TLL2: variants seen among roughly 807,000 people sequenced by gnomAD.
The protein encoded by TLL2 is tolloid like 2, also known as tolloid-like protein 2.
A neutral mutation model predicts 123.0 loss-of-function variants in TLL2; 106 were observed. The ratio of observed to expected loss-of-function variants is 0.86; its 90% CI spans 0.74 to 1.01. TLL2 has a LOEUF of 1.01. Ranked by LOEUF, TLL2 falls within the 50% of genes least tolerant of loss-of-function variation. TLL2 has a pLI of 0.00. For missense variants in TLL2, 1,332 were observed against 1,336.7 expected (o/e 1.00, Z 0.06); for synonymous variants, 494 against 516.8 (o/e 0.96, Z 0.60).
At chr10:96,486,208 G>A (rs1312066863) in intron 1 of TLL2, among the ~76,000 whole-genome samples, 3 of 152,150 alleles carry the variant, frequency 2.0e-5, no homozygotes, top group Admixed American at 6.5e-5. Flanking sequence ...TTGACTATAC[G>A]TGGAATAAAT....
intron 1 of TLL2, among the ~76,000 whole-genome samples, chr10:96,484,515 G>T (rs1417162766): frequency 6.6e-6 from 1 of 151,242 alleles, no homozygotes. Flanking sequence ...AGCCACAAAT[G>T]ATTCATCTAT....
rs1305183178 is a variant in TLL2 at position 96,505,748 on chromosome 10, C to T, written c.175+7763G>A. ...TTCATACAATTCAGTTCACTCCACA[C>T]ACTTGTTGGGGCATAACAAGTTCTT... On this transcript the variant is annotated intron_variant, in intron 1 of 20. Coordinates refer to ENST00000357947, the MANE Select transcript of TLL2 (RefSeq NM_012465.4). Among the ~76,000 whole-genome samples the T allele has an allele frequency of 2.6e-5, 4 of 152,344 alleles. No homozygotes were observed. The East Asian group carries it at 7.7e-4, about 29-fold the overall frequency.
chr10:96,440,486 T>C (rs1362774872), intron 3 of TLL2, among the ~76,000 whole-genome samples: 2 of 152,216 alleles, frequency 1.3e-5, no homozygotes, highest in South Asian at 2.1e-4. Context: ...CAGGCAGCAA[T>C]GTAGCAAGTG....
intron 8 of TLL2, among the ~76,000 whole-genome samples, chr10:96,411,116 A>G (rs1050304560): frequency 5.9e-5 from 9 of 151,852 alleles, no homozygotes; most frequent in Non-Finnish European, 1.0e-4. Context: ...AGTGGCGTGC[A>G]CCTGTAATCC....
At chr10:96,480,574 A>G (rs1487604403) in intron 1 of TLL2, 115 bp from the exon 2 acceptor site, 1 of 780,308 alleles carries the variant, frequency 1.3e-6, no homozygotes, top group Admixed American at 2.1e-5. Context: ...AAGACAGCCC[A>G]TCCAGTAAAA....
Position 96,376,720 on chromosome 10 carries a change from G to A in TLL2, c.2420C>T (p.Ser807Phe). Residue 807 changes from serine to phenylalanine, a missense_variant, in exon 18 of 21, where the codon TCT becomes TTT. By Grantham distance (155) the Ser-to-Phe change is radical. Coordinates refer to ENST00000357947, the MANE Select transcript of TLL2 (RefSeq NM_012465.4). ...TTTCACTCTGTGGCCTGCAGTCGAA[G>A]AGATGTTCCAGGTACACTCCCTCCG... The part of the protein sequence containing the change: ...PSRRECTWNI[S>F]STAGHRVKLT... 1 of 1,610,454 alleles carries A rather than the reference G, an allele frequency of 6.2e-7. No individual in the cohort carries two copies. The highest frequency in any genetic ancestry group is 8.5e-7 in the Non-Finnish European group (1 of 1,178,536).
chr10:96,508,246 G>GT, intron 1 of TLL2, among the ~76,000 whole-genome samples: 2 of 152,304 alleles, frequency 1.3e-5, no homozygotes, highest in East Asian at 3.9e-4. Flanking sequence ...ACTTTTAGGA[G>GT]TCCCTGGCAC....
At chr10:96,447,520 G>A (rs1846909847) in intron 2 of TLL2, among the ~76,000 whole-genome samples, 1 of 152,108 alleles carries the variant, frequency 6.6e-6, no homozygotes, top group Admixed American at 6.6e-5. Context: ...CATAGGCAGA[G>A]CTCGCAGGTA....
intron 2 of TLL2, among the ~76,000 whole-genome samples, chr10:96,475,764 C>T (rs1009533912): frequency 6.6e-6 from 1 of 152,190 alleles, no homozygotes; most frequent in Non-Finnish European, 1.5e-5. Context: ...GGCTCTGTGT[C>T]CCCACCCAAA....
chr10:96,369,987 A>C (rs922058803), intron 20 of TLL2, 78 bp downstream of exon 20: 2 of 1,478,002 alleles, frequency 1.4e-6, no homozygotes, highest in Non-Finnish European at 1.8e-6. Context: ...CGGGACTGAA[A>C]GCCGGGCGTG....
intron 1 of TLL2, among the ~76,000 whole-genome samples, chr10:96,483,773 T>C (rs1031054186): frequency 3.3e-5 from 5 of 152,188 alleles, no homozygotes; most frequent in Non-Finnish European, 7.4e-5. Flanking sequence ...TTCATCATTT[T>C]TGCTGCTTCT....
chr10:96,505,397 C>A (rs756153469), intron 1 of TLL2, among the ~76,000 whole-genome samples: 1 of 152,196 alleles, frequency 6.6e-6, no homozygotes. Context: ...TTTGGTTGTT[C>A]AGATATTTAG....
At chr10:96,437,411 C>T (rs901167500) in intron 3 of TLL2, among the ~76,000 whole-genome samples, 2 of 152,186 alleles carry the variant, frequency 1.3e-5, no homozygotes. Context: ...TACTTGTACT[C>T]ATTTGTGTGT....
chr10:96,440,624 G>A (rs1356138724), intron 3 of TLL2, among the ~76,000 whole-genome samples: 1 of 152,200 alleles, frequency 6.6e-6, no homozygotes, highest in African/African-American at 2.4e-5. Flanking sequence ...GATACTCCGT[G>A]TTTCTCTGAC....
chr10:96,444,698 T>A (rs1846879128), intron 3 of TLL2, among the ~76,000 whole-genome samples: 1 of 152,106 alleles, frequency 6.6e-6, no homozygotes, highest in Non-Finnish European at 1.5e-5. Context: ...GTGGCCACAT[T>A]AAAGAGAAAA....
chr10:96,426,328 TTTTC>T (rs1458548702), intron 5 of TLL2, among the ~76,000 whole-genome samples: 4 of 152,266 alleles, frequency 2.6e-5, no homozygotes, highest in Admixed American at 6.5e-5. Flanking sequence ...GTCTATAATT[TTTTC>T]TTTCTTATCT....
In TLL2 at chr10:96,513,581, G is replaced by A. The variant is rs1318805136; in HGVS notation, c.105C>T (p.Asp35=). The change falls in exon 1 of 21, where the codon GAC becomes GAT. Residue 35 remains aspartate, a synonymous_variant. Coordinates refer to ENST00000357947, the MANE Select transcript of TLL2 (RefSeq NM_012465.4). ...CCTCCTCGCCGTCCAGCTCTGAGTAGTCTGCGGTGGCGTCCGGGCGCTCCC... is the reference window on the plus strand; with the variant it reads ...CCTCCTCGCCGTCCAGCTCTGAGTAATCTGCGGTGGCGTCCGGGCGCTCCC... ...GLGERPDATA[D]YSELDGEEGT... 6.2e-7 allele frequency: 1 copy of A among 1,609,086 alleles called. No individual in the cohort carries two copies. The highest frequency in any genetic ancestry group is 8.5e-7 in the Non-Finnish European group (1 of 1,179,436).
Position 96,421,076 on chromosome 10 carries a change from T to C in TLL2, c.818-15A>G, listed in dbSNP as rs758808492. Reference sequence around the variant, plus strand: ...ATACTCCTGACCTGTGACACAACACTGTGTTAAGCCCTTTGAAAACCAAGT... The same window carrying C: ...ATACTCCTGACCTGTGACACAACACCGTGTTAAGCCCTTTGAAAACCAAGT... On this transcript the variant is annotated splice_polypyrimidine_tract_variant and intron_variant, in intron 6 of 20. Coordinates refer to ENST00000357947, the MANE Select transcript of TLL2 (RefSeq NM_012465.4). The C allele has an allele frequency of 6.2e-6, 10 of 1,608,036 alleles. No individual in the cohort carries two copies. Among genetic ancestry groups the C allele is most frequent in the South Asian group, 3.3e-5 (3 of 90,964 alleles).
chr10:96,434,791 T>C (rs1428204302), intron 3 of TLL2, among the ~76,000 whole-genome samples: 1 of 152,212 alleles, frequency 6.6e-6, no homozygotes, highest in Admixed American at 6.5e-5. Context: ...GGCACCATTT[T>C]ACATTCTCAC....
Sources: gnomAD v4.1 joint callset for allele counts (sites outside exome capture counted in the v4.1 genomes callset) on GRCh38, gnomAD v4.1.1 for gene constraint, MANE v1.5 for transcripts, NCBI Gene and HGNC (gene_info 2026-07-23, HGNC 2026-07-21) for gene names.